The following SH3RF3 variants were observed in gnomAD, a reference collection of about 807,000 sequenced individuals.
The protein encoded by SH3RF3 is SH3 domain containing ring finger 3, also known as E3 ubiquitin-protein ligase SH3RF3.
In SH3RF3, 29 loss-of-function variants were observed where a neutral mutation model predicts 66.3. That is an observed-to-expected ratio of 0.44 (90% CI 0.33 to 0.60). The LOEUF (loss-of-function observed/expected upper bound fraction) is 0.60, where lower values mean the gene tolerates loss of function less well. SH3RF3 is among the 20% of genes least tolerant of loss of function. SH3RF3 has a pLI of 0.04. For missense variants in SH3RF3, 1,194 were observed against 1,190.9 expected, an observed-to-expected ratio of 1.00 and a Z score of -0.04; for synonymous variants, 583 against 532.0, an observed-to-expected ratio of 1.10 and a Z score of -1.32.
chr2:109,249,877 G>T (rs1334644216), intron 1 of SH3RF3, among the ~76,000 whole-genome samples: 9 of 150,580 alleles, frequency 6.0e-5, no homozygotes, highest in Non-Finnish European at 1.3e-4. Context: ...GTAGAGACGG[G>T]GTTTCACTGT....
At chr2:109,496,577 C>A (rs995983162) in intron 9 of SH3RF3, among the ~76,000 whole-genome samples, 1 of 152,204 alleles carries the variant, frequency 6.6e-6, no homozygotes. Flanking sequence ...CGACTCCTGC[C>A]CCTTTGACCT....
chr2:109,395,696 C>T (rs753313498), intron 3 of SH3RF3, among the ~76,000 whole-genome samples: 14 of 152,226 alleles, frequency 9.2e-5, no homozygotes, highest in Non-Finnish European at 1.3e-4. Context: ...CTCGGGGACA[C>T]GTGCTGGTGG....
chr2:109,156,323 C>T (rs937383446), intron 1 of SH3RF3, among the ~76,000 whole-genome samples: 1 of 152,216 alleles, frequency 6.6e-6, no homozygotes, highest in Non-Finnish European at 1.5e-5. Flanking sequence ...GCATCTTCCC[C>T]TGCTGGGACT....
intron 9 of SH3RF3, among the ~76,000 whole-genome samples, chr2:109,494,914 G>T (rs1380605861): frequency 1.3e-5 from 2 of 152,176 alleles, no homozygotes; most frequent in Non-Finnish European, 2.9e-5. Flanking sequence ...AGGTGCTGCA[G>T]AGGGAGCTCC....
chr2:109,338,615 T>G (rs1428275876), intron 1 of SH3RF3, among the ~76,000 whole-genome samples: 1 of 152,186 alleles, frequency 6.6e-6, no homozygotes, highest in Non-Finnish European at 1.5e-5. Flanking sequence ...TGGAATGCAG[T>G]GGTACGATCT....
chr2:109,214,680 C>G (rs1429723625), intron 1 of SH3RF3, among the ~76,000 whole-genome samples: 2 of 152,192 alleles, frequency 1.3e-5, no homozygotes, highest in Non-Finnish European at 2.9e-5. Context: ...TGGGCTCTCT[C>G]TGTCCCGTGG....
chr2:109,402,833 T>C (rs1676350934), intron 4 of SH3RF3, among the ~76,000 whole-genome samples: 1 of 152,192 alleles, frequency 6.6e-6, no homozygotes. Context: ...GAGCATGGTA[T>C]CGTCCCTGGT....
Position 109,419,942 on chromosome 2 carries a change from A to G in SH3RF3, c.1403+300A>G, listed in dbSNP as rs368781772. On this transcript the variant is annotated intron_variant, in intron 5 of 9. Transcript: ENST00000309415. The stretch of plus-strand genomic sequence containing the variant: ...AGCCATAGTGTGGAGCAAGCTCTCC[A>G]TAGCATGGAAGGTCCGAGATTGAGG... 5.3e-5 allele frequency among the ~76,000 whole-genome samples: 8 copies of G among 152,228 alleles called. No individual in the cohort carries two copies. The East Asian group carries it at 1.5e-3, about 29-fold the overall frequency.
At position 109,307,668 on chromosome 2, in the gene SH3RF3, G is replaced by A. The variant is rs867042352; in HGVS notation, c.574-40006G>A. ...AATTCCCACCTATGAGTGAGAATAT[G>A]TGGTGTTTGGTTTTTTGCTCTTGCG... On this transcript the variant is annotated intron_variant, in intron 1 of 9. Transcript: ENST00000309415. Among the ~76,000 whole-genome samples the A allele has an allele frequency of 7.9e-4, 113 of 143,764 alleles. 2 individuals carry two copies. The highest frequency in any genetic ancestry group is 3.5e-3 in the Middle Eastern group (1 of 284). 94.3% of individuals were successfully genotyped at this position (143,764 alleles called of 152,430 possible). A position where few individuals can be genotyped will look rare whatever the true frequency, so the allele number is the denominator to read the frequency against.
At chr2:109,439,836 G>T (rs1285577230) in intron 7 of SH3RF3, among the ~76,000 whole-genome samples, 3 of 152,090 alleles carry the variant, frequency 2.0e-5, no homozygotes, top group Non-Finnish European at 4.4e-5. Flanking sequence ...TAGAGAGAAT[G>T]ACTAGAAAAC....
intron 1 of SH3RF3, among the ~76,000 whole-genome samples, chr2:109,192,192 C>A (rs759478292): frequency 3.9e-5 from 6 of 152,184 alleles, no homozygotes; most frequent in Non-Finnish European, 7.3e-5. Flanking sequence ...CTCGTCCACT[C>A]CACAGGCTAC....
At chr2:109,134,792 G>A (rs1676780582) in intron 1 of SH3RF3, among the ~76,000 whole-genome samples, 1 of 152,168 alleles carries the variant, frequency 6.6e-6, no homozygotes, top group South Asian at 2.1e-4. Context: ...CATTCACCGT[G>A]CCTCACGGCT....
Position 109,347,679 on chromosome 2 carries a change from C to G in SH3RF3, c.579C>G (p.Pro193=). 1 of 1,613,244 alleles carries G rather than the reference C, an allele frequency of 6.2e-7. No individual in the cohort carries two copies. Among genetic ancestry groups the G allele is most frequent in the Middle Eastern group, 1.7e-4 (1 of 6,060 alleles). Residue 193 remains proline, a synonymous_variant, in exon 2 of 10, where the codon CCC becomes CCG. Coordinates refer to ENST00000309415, the MANE Select transcript of SH3RF3 (RefSeq NM_001099289.3). ...ATGCTGTCTGTTGCTTGCAGAATCC[C>G]TGCCTGCTTCCCTATGGCAAGGCCC... is the stretch of plus-strand genomic sequence containing the variant. ...TSRTAPAAKN[P]CLLPYGKALY...
intron 9 of SH3RF3, among the ~76,000 whole-genome samples, chr2:109,493,936 C>T (rs907431743): frequency 6.6e-6 from 1 of 152,212 alleles, no homozygotes; most frequent in Non-Finnish European, 1.5e-5. Flanking sequence ...CTCATCCTCT[C>T]CTAAGGAGTC....
intron 1 of SH3RF3, among the ~76,000 whole-genome samples, chr2:109,320,080 T>C (rs1681985224): frequency 6.6e-6 from 1 of 152,208 alleles, no homozygotes; most frequent in African/African-American, 2.4e-5. Flanking sequence ...TGGCCTCTTA[T>C]GGTCCCTTCC....
At chr2:109,272,264 A>G (rs1680645042) in intron 1 of SH3RF3, among the ~76,000 whole-genome samples, 1 of 152,190 alleles carries the variant, frequency 6.6e-6, no homozygotes, top group Non-Finnish European at 1.5e-5. Context: ...AATCTCTAGC[A>G]ATTGCCCAAC....
intron 3 of SH3RF3, among the ~76,000 whole-genome samples, chr2:109,396,579 A>G (rs1444281356): frequency 1.3e-5 from 2 of 152,034 alleles, no homozygotes; most frequent in African/African-American, 4.8e-5. Flanking sequence ...TGTTTTTTTA[A>G]CTCATCAAGG....
At chr2:109,341,685 CATA>C (rs1682556152) in intron 1 of SH3RF3, among the ~76,000 whole-genome samples, 1 of 152,124 alleles carries the variant, frequency 6.6e-6, no homozygotes, top group South Asian at 2.1e-4. Flanking sequence ...TTGCTCTGGG[CATA>C]ATATTTGATG....
chr2:109,348,124 G>C (rs187300324), intron 2 of SH3RF3, among the ~76,000 whole-genome samples, 175 bp downstream of exon 2: 1 of 152,146 alleles, frequency 6.6e-6, no homozygotes, highest in Non-Finnish European at 1.5e-5. Flanking sequence ...CATGAATGGG[G>C]TGATGGTTTT....
Sources: gnomAD v4.1 joint callset for allele counts (sites outside exome capture counted in the v4.1 genomes callset) on GRCh38, gnomAD v4.1.1 for gene constraint, MANE v1.5 for transcripts, NCBI Gene and HGNC (gene_info 2026-07-23, HGNC 2026-07-21) for gene names.